The following STX3 variants were observed in gnomAD, a reference collection of about 807,000 sequenced individuals.
The protein encoded by STX3 is syntaxin 3, also known as syntaxin-3.
STX3 carries 19 observed loss-of-function variants against 40.2 expected under a neutral mutation model. The observed-to-expected ratio is 0.47, with a 90% CI of 0.33 to 0.69. The LOEUF is 0.69. STX3 is among the 30% of genes least tolerant of loss of function. The pLI, the probability that STX3 is intolerant of heterozygous loss-of-function variation, is 0.02. For missense variants in STX3, 364 were observed against 366.7 expected (o/e 0.99, Z 0.06); for synonymous variants, 122 against 132.2 (o/e 0.92, Z 0.53).
chr11:59,799,648 T>A, intron 10 of STX3: 2 of 985,468 alleles, frequency 2.0e-6, no homozygotes, highest in Non-Finnish European at 2.4e-6. Context: ...TACCCAGAGC[T>A]GTGCCTTCCT....
intron 10 of STX3, 80 bp downstream of exon 10, chr11:59,797,476 C>G: frequency 9.5e-7 from 1 of 1,047,898 alleles, no homozygotes; most frequent in Non-Finnish European, 1.5e-6. Context: ...AATTCCTCTT[C>G]TTTCCCCCTA....
chr11:59,771,417 C>CT (rs1234504553), intron 1 of STX3, among the ~76,000 whole-genome samples: 1 of 132,204 alleles, frequency 7.6e-6, no homozygotes, highest in Non-Finnish European at 1.6e-5. Context: ...CCCCCCCGCC[C>CT]GCCCACAGAA....
intron 1 of STX3, among the ~76,000 whole-genome samples, chr11:59,765,040 A>G (rs1464212418): frequency 1.3e-5 from 2 of 152,052 alleles, no homozygotes; most frequent in African/African-American, 4.8e-5. Flanking sequence ...TCATCTTTCA[A>G]ATAGGGCTAA....
intron 3 of STX3, 31 bp downstream of exon 3, chr11:59,787,167 A>G (rs1426481605): frequency 6.3e-6 from 10 of 1,589,900 alleles, no homozygotes; most frequent in Non-Finnish European, 7.8e-6. Flanking sequence ...GAGTCATCCA[A>G]CAATCACCCT....
At chr11:59,798,517 G>A (rs893659787) in intron 10 of STX3, among the ~76,000 whole-genome samples, 6 of 144,750 alleles carry the variant, frequency 4.1e-5, no homozygotes, top group Non-Finnish European at 7.6e-5. Context: ...AACAAAAAAC[G>A]TTTTTGTTGT....
intron 10 of STX3, among the ~76,000 whole-genome samples, chr11:59,799,128 G>T (rs999309370): frequency 6.6e-6 from 1 of 151,842 alleles, no homozygotes; most frequent in Non-Finnish European, 1.5e-5. Flanking sequence ...GGACTCAAGC[G>T]ATCCACTTGC....
chr11:59,781,267 T>A, intron 2 of STX3: 2 of 1,414,620 alleles, frequency 1.4e-6, no homozygotes, highest in Non-Finnish European at 2.0e-6. Context: ...GAACTGAGCT[T>A]GGTCATTCTC....
chr11:59,792,974 A>T, intron 6 of STX3, 125 bp from the exon 7 acceptor site: 3 of 840,814 alleles, frequency 3.6e-6, no homozygotes, highest in Non-Finnish European at 5.8e-6. Flanking sequence ...TCAGGAGGCA[A>T]TTGGGGGAGT....
chr11:59,774,505 A>G (rs182992476), intron 2 of STX3, among the ~76,000 whole-genome samples: 4 of 152,162 alleles, frequency 2.6e-5, no homozygotes, highest in African/African-American at 4.8e-5. Context: ...AAAAAACAAT[A>G]AACAACAAAA....
chr11:59,790,154 T>C (rs1320881059), intron 4 of STX3, among the ~76,000 whole-genome samples: 1 of 152,240 alleles, frequency 6.6e-6, no homozygotes, highest in East Asian at 1.9e-4. Context: ...TCTCATTTAA[T>C]CTTCACATTA....
At chr11:59,763,492 G>A (rs1863139366) in intron 1 of STX3, among the ~76,000 whole-genome samples, 1 of 152,168 alleles carries the variant, frequency 6.6e-6, no homozygotes, top group Admixed American at 6.5e-5. Context: ...CAGAATGCAA[G>A]TTCTTTTGAA....
At chr11:59,763,085 G>C (rs147305340) in intron 1 of STX3, among the ~76,000 whole-genome samples, 1 of 152,344 alleles carries the variant, frequency 6.6e-6, no homozygotes, top group Non-Finnish European at 1.5e-5. Flanking sequence ...CGCATGGACT[G>C]TTGCTTGGCA....
chr11:59,784,409 C>G (rs1311398443), intron 2 of STX3, among the ~76,000 whole-genome samples: 1 of 152,066 alleles, frequency 6.6e-6, no homozygotes, highest in Non-Finnish European at 1.5e-5. Context: ...AACTGGAAAC[C>G]ATGGTGTGAT....
intron 10 of STX3, among the ~76,000 whole-genome samples, chr11:59,798,599 A>C (rs1376115487): frequency 6.6e-6 from 1 of 151,556 alleles, no homozygotes; most frequent in Non-Finnish European, 1.5e-5. Context: ...AGCTCACTGC[A>C]GCCTCCGCCT....
chr11:59,767,034 G>A (rs1360843263), intron 1 of STX3, among the ~76,000 whole-genome samples: 2 of 152,214 alleles, frequency 1.3e-5, no homozygotes, highest in African/African-American at 4.8e-5. Flanking sequence ...CAATGATAGA[G>A]AAGGCAGTTG....
Position 59,780,525 on chromosome 11 carries a change from A to AGGAG in STX3, c.115-6508_115-6505dup, listed in dbSNP as rs1294433355. On this transcript the variant is annotated intron_variant, in intron 2 of 10. Transcript: ENST00000337979. ...TGAGGTACTAGCAGAAGACTCAAGG[A>AGGAG]GGAGGGAAGAGACCATAGTTTTCCT... is the stretch of plus-strand genomic sequence containing the variant. 3.3e-5 allele frequency among the ~76,000 whole-genome samples: 5 copies of AGGAG among 152,296 alleles called. No homozygotes were observed. The East Asian group carries it at 9.6e-4, about 29-fold the overall frequency.
intron 5 of STX3, 23 bp from the exon 6 acceptor site, chr11:59,792,084 C>T: frequency 6.3e-7 from 1 of 1,596,106 alleles, no homozygotes; most frequent in Non-Finnish European, 8.6e-7. Flanking sequence ...TGGGGCCTGA[C>T]TGCATTTTAC....
chr11:59,800,807 T>C (rs1413549197), intron 10 of STX3, 48 bp from the exon 11 acceptor site: 1 of 1,536,092 alleles, frequency 6.5e-7, no homozygotes, highest in Non-Finnish European at 8.7e-7. Flanking sequence ...TGTTGCCCTT[T>C]GCCTTCTTCC....
At chr11:59,789,700 C>T (rs1334320270) in intron 4 of STX3, among the ~76,000 whole-genome samples, 6 of 152,182 alleles carry the variant, frequency 3.9e-5, no homozygotes, top group African/African-American at 1.4e-4. Context: ...GCCTGGGCCT[C>T]CCAAATCGCT....
Sources: allele counts gnomAD v4.1 joint callset (sites outside exome capture counted in the v4.1 genomes callset), GRCh38; gene constraint gnomAD v4.1.1; transcripts MANE v1.5; gene names NCBI Gene and HGNC (gene_info 2026-07-23, HGNC 2026-07-21).